The following CTNNA3 variants were observed in gnomAD, a reference collection of about 807,000 sequenced individuals.
CTNNA3 encodes catenin alpha 3, also known as catenin alpha-3.
In CTNNA3, 76 loss-of-function variants were observed where a neutral mutation model predicts 95.7. The observed-to-expected ratio is 0.79, with a 90% CI of 0.66 to 0.96. The LOEUF is 0.96. Ranked by LOEUF, CTNNA3 falls within the 40% of genes least tolerant of loss-of-function variation. The pLI, the probability that CTNNA3 is intolerant of heterozygous loss-of-function variation, is 0.00. For missense variants in CTNNA3, 1,191 were observed against 1,089.8 expected (o/e 1.09, Z -1.31); for synonymous variants, 431 against 374.4 (o/e 1.15, Z -1.74).
intron 7 of CTNNA3, among the ~76,000 whole-genome samples, chr10:67,035,476 T>C (rs969038542): frequency 6.6e-6 from 1 of 152,132 alleles, no homozygotes; most frequent in African/African-American, 2.4e-5. Flanking sequence ...AATTTTGAAG[T>C]TGGGGATCAG....
rs188587239 is a variant in CTNNA3 at position 66,158,015 on chromosome 10, C to T, written c.1885-54766G>A. ...GCCCACTTTTTGGTGGGATTGTTTG[C>T]TTTTTCTTACTGATTTGTTTGAGTT... On this transcript the variant is annotated intron_variant, in intron 13 of 17. Coordinates refer to ENST00000433211, the MANE Select transcript of CTNNA3 (RefSeq NM_013266.4). Among the ~76,000 whole-genome samples, 464 of 151,782 alleles carry T rather than the reference C, an allele frequency of 3.1e-3. 4 individuals are homozygous for T. The highest frequency in any genetic ancestry group is 0.011 in the African/African-American group (448 of 41,478).
At chr10:66,607,024 G>T (rs1020805382) in intron 10 of CTNNA3, among the ~76,000 whole-genome samples, 2 of 151,904 alleles carry the variant, frequency 1.3e-5, no homozygotes, top group Non-Finnish European at 2.9e-5. Flanking sequence ...AAGTTAGATA[G>T]ACATCTAGCT....
At chr10:66,894,766 G>C (rs567841662) in intron 7 of CTNNA3, among the ~76,000 whole-genome samples, 20 of 151,894 alleles carry the variant, frequency 1.3e-4, no homozygotes, top group Non-Finnish European at 2.7e-4. Context: ...GCTCAACAAA[G>C]AAAGGAAAGA....
chr10:65,990,485 A>G (rs2078521917), intron 15 of CTNNA3, among the ~76,000 whole-genome samples: 1 of 150,218 alleles, frequency 6.7e-6, no homozygotes, highest in African/African-American at 2.4e-5. Flanking sequence ...CTAATTAGTG[A>G]TGTTGAGCAT....
chr10:66,275,316 T>A (rs557940417), intron 13 of CTNNA3, among the ~76,000 whole-genome samples: 4 of 152,094 alleles, frequency 2.6e-5, no homozygotes, highest in South Asian at 2.1e-4. Context: ...TGAGGCTTCA[T>A]CATGTTGGCC....
chr10:67,739,150 C>T (rs1462185666), intron 1 of CTNNA3, among the ~76,000 whole-genome samples: 1 of 152,034 alleles, frequency 6.6e-6, no homozygotes, highest in African/African-American at 2.4e-5. Context: ...TCAGATTCAC[C>T]AAAGTTGAAA....
rs118094773 is a variant in CTNNA3 at position 66,081,364 on chromosome 10, T to C, written c.1978-11875A>G. Among the ~76,000 whole-genome samples, 121 of 152,092 alleles carry C rather than the reference T, an allele frequency of 8.0e-4. 1 individual carries two copies. The East Asian group carries it at 0.019, about 23-fold the overall frequency. ...TGGTGGCTCATGGCTGTAATTCCAA[T>C]ACTTTCAGGGGCTAAGGCAGGGGGA... is the stretch of plus-strand genomic sequence containing the variant. On this transcript the variant is annotated intron_variant, in intron 14 of 17. Transcript: ENST00000433211.
At chr10:66,649,069 A>C (rs1845805649) in intron 9 of CTNNA3, among the ~76,000 whole-genome samples, 1 of 152,156 alleles carries the variant, frequency 6.6e-6, no homozygotes, top group Non-Finnish European at 1.5e-5. Flanking sequence ...AGAGAGGTAG[A>C]AGGAAAATCA....
intron 13 of CTNNA3, among the ~76,000 whole-genome samples, chr10:66,143,152 T>C (rs1173957179): frequency 2.0e-5 from 3 of 152,094 alleles, no homozygotes; most frequent in Admixed American, 6.6e-5. Flanking sequence ...ATATGAACCA[T>C]TTGACAGAAA....
At chr10:66,625,938 G>A (rs762788867) in intron 9 of CTNNA3, among the ~76,000 whole-genome samples, 2 of 151,982 alleles carry the variant, frequency 1.3e-5, no homozygotes, top group African/African-American at 2.4e-5. Flanking sequence ...AGTCACCAGT[G>A]GTAGAGCCAG....
chr10:66,333,689 A>C (rs1000497040), intron 12 of CTNNA3, among the ~76,000 whole-genome samples: 17 of 151,728 alleles, frequency 1.1e-4, no homozygotes, highest in Admixed American at 2.6e-4. Flanking sequence ...GTGGTGCTGA[A>C]AAGAATGTAT....
chr10:66,219,163 T>C (rs1373953722), intron 13 of CTNNA3, among the ~76,000 whole-genome samples: 1 of 152,094 alleles, frequency 6.6e-6, no homozygotes, highest in Admixed American at 6.6e-5. Context: ...TCCTGATTCA[T>C]ATAGTGAAAT....
chr10:67,503,270 GCTT>G (rs1441338448), intron 5 of CTNNA3, among the ~76,000 whole-genome samples: 1 of 152,144 alleles, frequency 6.6e-6, no homozygotes, highest in African/African-American at 2.4e-5. Context: ...GCCCCACCCT[GCTT>G]TGGCTCACCC....
chr10:66,598,996 A>T (rs988326571), intron 10 of CTNNA3, among the ~76,000 whole-genome samples: 1 of 151,814 alleles, frequency 6.6e-6, no homozygotes, highest in Non-Finnish European at 1.5e-5. Context: ...TTGAAATTAT[A>T]TCACAAAGGT....
intron 15 of CTNNA3, among the ~76,000 whole-genome samples, chr10:66,004,797 C>T (rs543401014): frequency 6.6e-6 from 1 of 152,338 alleles, no homozygotes; most frequent in South Asian, 2.1e-4. Context: ...ACAGTTCCCT[C>T]TGTAACTCAT....
At chr10:66,317,365 T>A (rs1409285665) in intron 12 of CTNNA3, among the ~76,000 whole-genome samples, 1 of 152,016 alleles carries the variant, frequency 6.6e-6, no homozygotes, top group East Asian at 1.9e-4. Context: ...ACAGTTTTCG[T>A]AGAAATACTT....
intron 11 of CTNNA3, among the ~76,000 whole-genome samples, chr10:66,407,138 G>A (rs900857617): frequency 2.6e-5 from 4 of 151,458 alleles, no homozygotes; most frequent in South Asian, 2.1e-4. Flanking sequence ...AATTAGCTTC[G>A]GTAGAATGCT....
chr10:66,326,940 C>A (rs1300464764), intron 12 of CTNNA3, among the ~76,000 whole-genome samples: 2 of 152,060 alleles, frequency 1.3e-5, no homozygotes, highest in East Asian at 3.9e-4. Context: ...GATTTTAATT[C>A]TGTCATAATT....
At chr10:66,490,853 C>A (rs377757272) in intron 11 of CTNNA3, among the ~76,000 whole-genome samples, 2 of 152,184 alleles carry the variant, frequency 1.3e-5, no homozygotes, top group Non-Finnish European at 2.9e-5. Flanking sequence ...CTAATACATG[C>A]TGACACCCCT....
Sources: gnomAD v4.1 joint callset for allele counts (sites outside exome capture counted in the v4.1 genomes callset) on GRCh38, gnomAD v4.1.1 for gene constraint, MANE v1.5 for transcripts, NCBI Gene and HGNC (gene_info 2026-07-23, HGNC 2026-07-21) for gene names.